The following UXS1 variants were observed in gnomAD, a reference collection of about 807,000 sequenced individuals.
The protein encoded by UXS1 is UDP-glucuronic acid decarboxylase 1.
In UXS1, 33 loss-of-function variants were observed where a neutral mutation model predicts 62.6. The observed-to-expected ratio is 0.53, with a 90% confidence interval of 0.40 to 0.70. The LOEUF (loss-of-function observed/expected upper bound fraction) is 0.70. Among genes scored for constraint, UXS1 ranks in the 30% least tolerant of loss-of-function variants. The probability of loss-of-function intolerance (pLI) is 0.00; values close to 1 mark genes in which losing one functional copy is unlikely to be tolerated. For synonymous variants in UXS1, 213 were observed against 206.8 expected (o/e 1.03, Z -0.26); for missense variants, 434 against 556.3 (o/e 0.78, Z 2.21).
In UXS1 at chr2:106,184,531, T is replaced by G. The variant is rs1684441513; in HGVS notation, c.94+9617A>C. ...AATTTGTTTCTCACAGTTATGAAGG[T>G]TGGGAAGTGCAAGATCAAGACACTG... On this transcript the variant is annotated intron_variant, in intron 1 of 14. Transcript: ENST00000283148. Among the ~76,000 whole-genome samples, 2 of 152,156 alleles carry G rather than the reference T, an allele frequency of 1.3e-5. 1 individual carries two copies. Among genetic ancestry groups the G allele is most frequent in the South Asian group, 4.1e-4 (2 of 4,828 alleles).
chr2:106,143,353 G>A (rs1681280380), intron 6 of UXS1, among the ~76,000 whole-genome samples: 1 of 121,892 alleles, frequency 8.2e-6, no homozygotes, highest in Admixed American at 1.2e-4. Context: ...AGCTTGCAAT[G>A]AGCTGAGATC....
chr2:106,174,872 C>T (rs1040953172), intron 1 of UXS1, among the ~76,000 whole-genome samples: 1 of 152,204 alleles, frequency 6.6e-6, no homozygotes. Flanking sequence ...ATCCCTGGGC[C>T]ACCCTTCCAA....
chr2:106,162,061 C>T (rs1027555418), intron 4 of UXS1, among the ~76,000 whole-genome samples: 3 of 152,122 alleles, frequency 2.0e-5, no homozygotes, highest in African/African-American at 7.2e-5. Flanking sequence ...CATCAATTTC[C>T]ACCGTCACGC....
At chr2:106,187,551 T>C (rs1053986778) in intron 1 of UXS1, among the ~76,000 whole-genome samples, 1 of 152,166 alleles carries the variant, frequency 6.6e-6, no homozygotes, top group Non-Finnish European at 1.5e-5. Flanking sequence ...TGAAGTCTAT[T>C]ACCATAAACA....
At chr2:106,165,971 C>A in intron 2 of UXS1, 85 bp downstream of exon 2, 1 of 1,297,310 alleles carries the variant, frequency 7.7e-7, no homozygotes, top group Non-Finnish European at 1.1e-6. Context: ...TTTCAATTAA[C>A]CCATGACATC....
intron 7 of UXS1, 50 bp downstream of exon 7, chr2:106,129,624 T>C: frequency 1.4e-6 from 2 of 1,403,524 alleles, no homozygotes; most frequent in South Asian, 1.2e-5. Context: ...CTTGTAATCA[T>C]CTAAAATATT....
chr2:106,189,070 G>A (rs1684758295), intron 1 of UXS1, among the ~76,000 whole-genome samples: 1 of 152,202 alleles, frequency 6.6e-6, no homozygotes, highest in African/African-American at 2.4e-5. Flanking sequence ...TAGGAAATAA[G>A]AGGATTGGTC....
chr2:106,106,364 C>CG (rs566317519), intron 10 of UXS1, among the ~76,000 whole-genome samples: 2 of 127,694 alleles, frequency 1.6e-5, no homozygotes, highest in Admixed American at 1.6e-4. Context: ...AACTCCGTCT[C>CG]AAAAAAAAAA....
At chr2:106,113,037 C>G (rs1678748024) in intron 9 of UXS1, among the ~76,000 whole-genome samples, 1 of 152,178 alleles carries the variant, frequency 6.6e-6, no homozygotes, top group Admixed American at 6.5e-5. Flanking sequence ...ACCAGCCAAA[C>G]AGTACAAGGA....
chr2:106,111,160 A>G (rs1433383319), intron 10 of UXS1, among the ~76,000 whole-genome samples: 2 of 152,190 alleles, frequency 1.3e-5, no homozygotes, highest in Non-Finnish European at 2.9e-5. Context: ...GGCTACGGCA[A>G]TAAATAGGGG....
intron 10 of UXS1, among the ~76,000 whole-genome samples, chr2:106,111,487 C>T (rs1190607963): frequency 1.3e-5 from 2 of 152,204 alleles, no homozygotes; most frequent in Non-Finnish European, 2.9e-5. Flanking sequence ...TTTGGTTCTA[C>T]GTTGGTAGCG....
At chr2:106,103,441 G>C (rs1558676701) in intron 11 of UXS1, among the ~76,000 whole-genome samples, 2 of 152,222 alleles carry the variant, frequency 1.3e-5, no homozygotes, top group Admixed American at 1.3e-4. Flanking sequence ...GCACAGCTGG[G>C]TGAGTGGAGG....
chr2:106,123,202 G>C (rs938480058), intron 8 of UXS1, 111 bp from the exon 9 acceptor site: 5 of 1,494,676 alleles, frequency 3.3e-6, no homozygotes, highest in African/African-American at 2.8e-5. Flanking sequence ...TTTAGAGATG[G>C]AGAGATGTAT....
chr2:106,114,457 C>A (rs1013512060), intron 9 of UXS1, among the ~76,000 whole-genome samples: 4 of 152,116 alleles, frequency 2.6e-5, no homozygotes, highest in Admixed American at 2.0e-4. Flanking sequence ...TACCCACTTG[C>A]ATTTAATTGA....
chr2:106,124,176 C>G (rs13018816), intron 8 of UXS1, among the ~76,000 whole-genome samples: 17,465 of 152,246 alleles, frequency 0.11, 1,307 homozygotes, highest in Non-Finnish European at 0.16. Context: ...GACTTAAATT[C>G]ACAGAATGTA....
At chr2:106,155,196 G>A (rs910514939) in intron 5 of UXS1, among the ~76,000 whole-genome samples, 3 of 152,148 alleles carry the variant, frequency 2.0e-5, no homozygotes, top group African/African-American at 7.2e-5. Context: ...GGGATTGGGA[G>A]GCTGGAACAA....
intron 10 of UXS1, among the ~76,000 whole-genome samples, chr2:106,107,649 C>G (rs970613955): frequency 1.3e-5 from 2 of 152,210 alleles, no homozygotes; most frequent in Non-Finnish European, 2.9e-5. Flanking sequence ...AGGGCTGCAG[C>G]CTGGGAAGTC....
At chr2:106,120,713 G>T (rs1286080089) in intron 9 of UXS1, among the ~76,000 whole-genome samples, 1 of 152,224 alleles carries the variant, frequency 6.6e-6, no homozygotes, top group Non-Finnish European at 1.5e-5. Flanking sequence ...GTTCCCACAT[G>T]AAGAACCCAC....
intron 6 of UXS1, chr2:106,138,293 C>T: frequency 1.0e-6 from 1 of 985,532 alleles, no homozygotes; most frequent in Non-Finnish European, 1.2e-6. Flanking sequence ...CCCTTGCCTG[C>T]ACCACTAGTC....
Sources: gnomAD v4.1 joint callset for allele counts (sites outside exome capture counted in the v4.1 genomes callset) on GRCh38, gnomAD v4.1.1 for gene constraint, MANE v1.5 for transcripts, NCBI Gene and HGNC (gene_info 2026-07-23, HGNC 2026-07-21) for gene names.